Variants in RSPO3 observed in about 807,000 individuals in gnomAD.
RSPO3 encodes the protein R-spondin-3.
RSPO3 carries 17 observed loss-of-function variants against 36.5 expected under a neutral mutation model. That is an observed-to-expected ratio of 0.47 (90% CI 0.32 to 0.70). The LOEUF is 0.70. RSPO3 is among the 30% of genes least tolerant of loss of function. The pLI, the probability that RSPO3 is intolerant of heterozygous loss-of-function variation, is 0.04. For synonymous variants in RSPO3, 108 were observed against 107.0 expected (o/e 1.01, Z -0.06); for missense variants, 294 against 322.5 (o/e 0.91, Z 0.68).
intron 4 of RSPO3, among the ~76,000 whole-genome samples, chr6:127,164,665 G>C (rs1021865337): frequency 2.0e-5 from 3 of 152,030 alleles, no homozygotes; most frequent in African/African-American, 7.2e-5. Context: ...TCTAGCTGCT[G>C]AGGGTTCTGT....
chr6:127,133,362 T>G (rs1313686936), intron 1 of RSPO3, among the ~76,000 whole-genome samples: 1 of 152,140 alleles, frequency 6.6e-6, no homozygotes, highest in Non-Finnish European at 1.5e-5. Flanking sequence ...TCTTAGAATC[T>G]AGATTTTCTT....
At chr6:127,175,236 TTG>T (rs1364976137) in intron 4 of RSPO3, among the ~76,000 whole-genome samples, 1 of 151,748 alleles carries the variant, frequency 6.6e-6, no homozygotes. Flanking sequence ...GTTGGCCCAT[TTG>T]TTTTATTTTG....
intron 1 of RSPO3, among the ~76,000 whole-genome samples, chr6:127,134,495 C>T (rs2114554503): frequency 6.6e-6 from 1 of 152,220 alleles, no homozygotes; most frequent in East Asian, 1.9e-4. Flanking sequence ...TATGGTAACC[C>T]CATGACCACC....
Position 127,197,456 on chromosome 6 carries a change from A to G in RSPO3, c.*1449A>G. 6.4e-7 allele frequency: 1 copy of G among 1,550,534 alleles called. No individual in the cohort carries two copies. The highest frequency in any genetic ancestry group is 8.7e-7 in the Non-Finnish European group (1 of 1,146,962). On this transcript the variant is annotated 3_prime_UTR_variant, in exon 5 of 5. Coordinates refer to ENST00000356698, the MANE Select transcript of RSPO3 (RefSeq NM_032784.5). ...TGAAGTCACCCTAGCTGAAGGCCTC[A>G]CCAGTGTTTCACAGAGGACACAGCC...
intron 4 of RSPO3, among the ~76,000 whole-genome samples, chr6:127,179,021 C>T (rs1775126649): frequency 1.3e-5 from 2 of 151,844 alleles, no homozygotes; most frequent in Admixed American, 6.6e-5. Flanking sequence ...AAGAATGTCC[C>T]TGTTTTCACA....
intron 1 of RSPO3, among the ~76,000 whole-genome samples, chr6:127,146,935 A>T (rs1352244219): frequency 2.6e-5 from 4 of 152,116 alleles, no homozygotes; most frequent in African/African-American, 7.2e-5. Flanking sequence ...ACCAATGCTG[A>T]GTTACTGGCA....
rs1280144061 is a variant in RSPO3, at chr6:127,196,564, T to C, written c.*557T>C. The C allele has an allele frequency of 2.0e-5, 3 of 152,232 alleles. No homozygotes were observed. Among genetic ancestry groups the C allele is most frequent in the African/African-American group, 7.2e-5 (3 of 41,456 alleles). The allele number at this position is 152,232 out of a possible 1,614,324, so 9.4% of individuals were successfully genotyped here. ...TTTAAGATTAGTTCCATCACTCTCA[T>C]CCTGTATTTTTATAAGAAACACAAG... On this transcript the variant is annotated 3_prime_UTR_variant, in exon 5 of 5. Coordinates refer to ENST00000356698, the MANE Select transcript of RSPO3 (RefSeq NM_032784.5).
chr6:127,142,824 T>G (rs1415498943), intron 1 of RSPO3, among the ~76,000 whole-genome samples: 1 of 152,108 alleles, frequency 6.6e-6, no homozygotes, highest in Admixed American at 6.5e-5. Context: ...GTTTTTGTTT[T>G]TGTTTTTTTT....
chr6:127,135,849 C>A (rs1003801678), intron 1 of RSPO3, among the ~76,000 whole-genome samples: 1 of 150,938 alleles, frequency 6.6e-6, no homozygotes, highest in Admixed American at 6.6e-5. Flanking sequence ...ATCACTTGAA[C>A]CCTGGATTTT....
intron 1 of RSPO3, among the ~76,000 whole-genome samples, chr6:127,138,285 G>C (rs1472936030): frequency 6.6e-6 from 1 of 152,040 alleles, no homozygotes; most frequent in East Asian, 1.9e-4. Context: ...TTTTCAGTCT[G>C]TTTAAGTAGG....
intron 3 of RSPO3, among the ~76,000 whole-genome samples, chr6:127,152,431 A>G (rs535120742): frequency 5.9e-5 from 9 of 152,260 alleles, no homozygotes; most frequent in African/African-American, 1.9e-4. Context: ...ACCTGCTTCT[A>G]TATCACAAAG....
intron 4 of RSPO3, among the ~76,000 whole-genome samples, chr6:127,182,482 A>G (rs1775209084): frequency 6.6e-6 from 1 of 151,838 alleles, no homozygotes. Flanking sequence ...AAATACTTCA[A>G]TTAAATGAGA....
At chr6:127,139,086 G>A (rs1161615619) in intron 1 of RSPO3, among the ~76,000 whole-genome samples, 1 of 152,014 alleles carries the variant, frequency 6.6e-6, no homozygotes, top group African/African-American at 2.4e-5. Flanking sequence ...TTGGAGCCAT[G>A]CACATAAGTA....
At chr6:127,188,189 A>T (rs1562255057) in intron 4 of RSPO3, among the ~76,000 whole-genome samples, 1 of 152,198 alleles carries the variant, frequency 6.6e-6, no homozygotes, top group Non-Finnish European at 1.5e-5. Flanking sequence ...TCAGATTCTG[A>T]GTCTTTAGTG....
At chr6:127,182,529 G>C (rs568566366) in intron 4 of RSPO3, among the ~76,000 whole-genome samples, 1 of 152,026 alleles carries the variant, frequency 6.6e-6, no homozygotes, top group East Asian at 1.9e-4. Flanking sequence ...TGTTCTTAGA[G>C]ATTGAGTAAG....
intron 1 of RSPO3, among the ~76,000 whole-genome samples, chr6:127,140,917 G>A (rs1328522598): frequency 6.6e-6 from 1 of 152,084 alleles, no homozygotes; most frequent in East Asian, 1.9e-4. Flanking sequence ...TCCTTATTCT[G>A]CAGGCCTCGG....
At chr6:127,144,375 AAACTCAC>A (rs1434324016) in intron 1 of RSPO3, among the ~76,000 whole-genome samples, 1 of 152,136 alleles carries the variant, frequency 6.6e-6, no homozygotes, top group Non-Finnish European at 1.5e-5. Flanking sequence ...CCTCTGATCT[AAACTCAC>A]TATTTTTCCA....
intron 1 of RSPO3, 64 bp from the exon 2 acceptor site, chr6:127,148,584 G>GA: frequency 7.2e-7 from 1 of 1,395,844 alleles, no homozygotes; most frequent in African/African-American, 1.4e-5. Flanking sequence ...ATCCTGCCCA[G>GA]AAAATGTCAT....
chr6:127,147,744 T>C (rs1446206913), intron 1 of RSPO3, among the ~76,000 whole-genome samples: 1 of 152,152 alleles, frequency 6.6e-6, no homozygotes, highest in African/African-American at 2.4e-5. Context: ...CTGGTAACTC[T>C]TGGAAACCCT....
Sources: allele counts gnomAD v4.1 joint callset (sites outside exome capture counted in the v4.1 genomes callset), GRCh38; gene constraint gnomAD v4.1.1; transcripts MANE v1.5; gene names NCBI Gene and HGNC (gene_info 2026-07-23, HGNC 2026-07-21).